The following DENR variants were observed in gnomAD, a reference collection of about 807,000 sequenced individuals.
DENR encodes the protein density regulated re-initiation and release factor.
DENR carries 6 observed loss-of-function variants against 30.6 expected under a neutral mutation model. That is an observed-to-expected ratio of 0.20 (90% CI 0.11 to 0.39). DENR has a LOEUF of 0.39. DENR is among the 10% of genes least tolerant of loss of function. DENR has a pLI of 1.00. For synonymous variants in DENR, 78 were observed against 72.1 expected, an observed-to-expected ratio of 1.08 and a Z score of -0.41; for missense variants, 141 against 230.9, an observed-to-expected ratio of 0.61 and a Z score of 2.52.
chr12:122,754,059 C>T (rs1189201794), intron 2 of DENR: 1 of 506,572 alleles, frequency 2.0e-6, no homozygotes, highest in Non-Finnish European at 3.6e-6. Flanking sequence ...TTATTTCAGC[C>T]TGAAGGTCCT....
At chr12:122,755,325 A>G (rs1486712276) in intron 2 of DENR, among the ~76,000 whole-genome samples, 1 of 152,212 alleles carries the variant, frequency 6.6e-6, no homozygotes, top group Non-Finnish European at 1.5e-5. Context: ...CACACTTGTA[A>G]TCCCAGCACT....
rs1878716523 is a variant in DENR at position 122,762,123 on chromosome 12, G to A, written c.107-64G>A. On this transcript the variant is annotated intron_variant, in intron 2 of 7. Coordinates refer to ENST00000280557, the MANE Select transcript of DENR (RefSeq NM_003677.5). ...TTCTCAAATATAAAAGTAAGGATAA[G>A]CCCTGTGTATGTGTGTACATATAGG... is the stretch of plus-strand genomic sequence containing the variant. The A allele has an allele frequency of 1.2e-5, 13 of 1,070,802 alleles. No individual in the cohort carries two copies. In the South Asian group the frequency reaches 2.1e-4, roughly 17 times the overall value. 66.3% of individuals were successfully genotyped at this position (1,070,802 alleles called of 1,614,324 possible). A position where few individuals can be genotyped will look rare whatever the true frequency, so the allele number is the denominator to read the frequency against.
chr12:122,768,469 G>A (rs1878906730), intron 6 of DENR, among the ~76,000 whole-genome samples: 1 of 151,974 alleles, frequency 6.6e-6, no homozygotes, highest in Non-Finnish European at 1.5e-5. Flanking sequence ...CTGCACTCCA[G>A]TCTGGGCAAC....
At chr12:122,761,228 A>G (rs1593761598) in intron 2 of DENR, among the ~76,000 whole-genome samples, 3 of 151,724 alleles carry the variant, frequency 2.0e-5, no homozygotes, top group Non-Finnish European at 2.9e-5. Context: ...TCTGGCCAAC[A>G]TGGTGAAACC....
In DENR at chr12:122,770,860, G is replaced by C. The variant is rs566720002; in HGVS notation, c.*1782G>C. ...ACTAAATAGAATTACTGGTGAAGCA[G>C]ATTTATCCATCGAGACTATCTGGTA... On this transcript the variant is annotated 3_prime_UTR_variant, in exon 8 of 8. Coordinates refer to ENST00000280557, the MANE Select transcript of DENR (RefSeq NM_003677.5). The C allele has an allele frequency of 1.8e-4, 70 of 396,878 alleles. No individual in the cohort carries two copies. In the East Asian group the frequency reaches 2.4e-3, roughly 14 times the overall value. The allele number at this position is 396,878 out of a possible 1,614,324, so 24.6% of individuals were successfully genotyped here. A position where few individuals can be genotyped will look rare whatever the true frequency, so the allele number is the denominator to read the frequency against.
At chr12:122,767,662 C>A in intron 6 of DENR, 58 bp downstream of exon 6, 1 of 970,712 alleles carries the variant, frequency 1.0e-6, no homozygotes. Context: ...CTCTGTCTCC[C>A]TCTATCTCTC....
At chr12:122,767,205 T>G (rs1047853633) in intron 5 of DENR, among the ~76,000 whole-genome samples, 7 of 152,260 alleles carry the variant, frequency 4.6e-5, no homozygotes, top group African/African-American at 1.7e-4. Context: ...TATTATTGTA[T>G]GTATCAGGTT....
intron 2 of DENR, among the ~76,000 whole-genome samples, chr12:122,756,688 G>T (rs956244808): frequency 6.6e-6 from 1 of 152,172 alleles, no homozygotes; most frequent in South Asian, 2.1e-4. Context: ...GGAGTTTCGA[G>T]TGTTACAGTT....
At position 122,756,076 on chromosome 12, in the gene DENR, G is replaced by A. The variant is rs138242374; in HGVS notation, c.106+2269G>A. On this transcript the variant is annotated intron_variant, in intron 2 of 7. Transcript: ENST00000280557. Reference sequence around the variant, plus strand: ...TGTATAAGGTCCTCGGCTAAGTTCTGTGGAGGCATATAAATTGGCAGAGGC... The same window carrying A: ...TGTATAAGGTCCTCGGCTAAGTTCTATGGAGGCATATAAATTGGCAGAGGC... Among the ~76,000 whole-genome samples, 3 of 152,334 alleles carry A rather than the reference G, an allele frequency of 2.0e-5. 1 individual carries two copies. The South Asian group carries it at 6.2e-4, about 32-fold the overall frequency.
intron 2 of DENR, among the ~76,000 whole-genome samples, chr12:122,756,445 GAAA>G: frequency 6.6e-6 from 1 of 151,622 alleles, no homozygotes; most frequent in East Asian, 1.9e-4. Flanking sequence ...CTCCATCCCA[GAAA>G]AAAAAGAAGA....
intron 2 of DENR, among the ~76,000 whole-genome samples, chr12:122,757,136 TG>T (rs1337860752): frequency 2.0e-5 from 3 of 152,174 alleles, no homozygotes; most frequent in Non-Finnish European, 4.4e-5. Flanking sequence ...GAAGCGATAG[TG>T]ACATAGGCAT....
At chr12:122,762,816 TGTG>T (rs764688980) in intron 3 of DENR, 26 bp from the exon 4 acceptor site, 4 of 1,404,554 alleles carry the variant, frequency 2.8e-6, no homozygotes. Flanking sequence ...AATGTTTTGT[TGTG>T]ACTCAGTTCT....
chr12:122,753,611 G>A, intron 1 of DENR, 82 bp from the exon 2 acceptor site: 1 of 1,024,772 alleles, frequency 9.8e-7, no homozygotes, highest in East Asian at 2.6e-5. Context: ...TTGGGGTGGG[G>A]AGGTTTCTGT....
chr12:122,761,439 C>T (rs991571907), intron 2 of DENR, among the ~76,000 whole-genome samples: 11 of 151,526 alleles, frequency 7.3e-5, no homozygotes, highest in Non-Finnish European at 7.4e-5. Flanking sequence ...AAATATATTG[C>T]AAAAAGATGG....
chr12:122,753,856 C>G (rs778931158), intron 2 of DENR, 49 bp downstream of exon 2: 37 of 1,377,096 alleles, frequency 2.7e-5, no homozygotes, highest in Non-Finnish European at 3.6e-5. Flanking sequence ...TACTTTTATG[C>G]ATTGTAATAA....
At chr12:122,754,163 G>A (rs575953134) in intron 2 of DENR, 5 of 291,160 alleles carry the variant, frequency 1.7e-5, no homozygotes, top group African/African-American at 2.1e-5. Flanking sequence ...GGGGAACGGC[G>A]TCCCAGACAA....
At position 122,762,841 on chromosome 12, in the gene DENR, CT is replaced by C. The variant is rs1388467828; in HGVS notation, c.127-3del. 2 of 1,522,736 alleles carry C rather than the reference CT, an allele frequency of 1.3e-6. No individual in the cohort carries two copies. Among genetic ancestry groups the C allele is most frequent in the Non-Finnish European group, 1.8e-6 (2 of 1,131,116 alleles). 94.3% of individuals were successfully genotyped at this position (1,522,736 alleles called of 1,614,324 possible). On this transcript the variant is annotated splice_polypyrimidine_tract_variant and splice_region_variant and intron_variant, in intron 3 of 7. Coordinates refer to ENST00000280557, the MANE Select transcript of DENR (RefSeq NM_003677.5). Reference sequence around the variant, plus strand: ...TGTGACTCAGTTCTTTTTTTTTCTCCTAGTACTGTGAATATATGCCTGATGT... The same window carrying C: ...TGTGACTCAGTTCTTTTTTTTTCTCCAGTACTGTGAATATATGCCTGATGT...
chr12:122,768,704 G>A, intron 6 of DENR, 78 bp from the exon 7 acceptor site: 1 of 1,294,158 alleles, frequency 7.7e-7, no homozygotes, highest in Non-Finnish European at 1.0e-6. Flanking sequence ...TTAAAATGCA[G>A]ATTAAATTTC....
At position 122,759,063 on chromosome 12, in the gene DENR, T is replaced by C. The variant is rs574200127; in HGVS notation, c.107-3124T>C. Among the ~76,000 whole-genome samples, 19 of 152,072 alleles carry C rather than the reference T, an allele frequency of 1.2e-4. No individual in the cohort carries two copies. In the East Asian group the frequency reaches 3.7e-3, roughly 30 times the overall value. On this transcript the variant is annotated intron_variant, in intron 2 of 7. Coordinates refer to ENST00000280557, the MANE Select transcript of DENR (RefSeq NM_003677.5). ...TTTCACCATGTTGGCCAGGCTGGTC[T>C]TGAACTCCTGACCTCAGGTGATCCA...
Sources: allele counts gnomAD v4.1 joint callset (sites outside exome capture counted in the v4.1 genomes callset), GRCh38; gene constraint gnomAD v4.1.1; transcripts MANE v1.5; gene names NCBI Gene and HGNC (gene_info 2026-07-23, HGNC 2026-07-21).